The following UGT1A6 variants were observed in gnomAD, a reference collection of about 807,000 sequenced individuals.
UGT1A6 encodes UDP-glucuronosyltransferase 1A6.
In UGT1A6, 32 loss-of-function variants were observed where a neutral mutation model predicts 44.4. The observed-to-expected ratio is 0.72, with a 90% CI of 0.54 to 0.97. The LOEUF is 0.97. UGT1A6 is among the 50% of genes least tolerant of loss of function. The pLI is 0.00. For synonymous variants in UGT1A6, 238 were observed against 248.5 expected (o/e 0.96, Z 0.40); for missense variants, 685 against 661.9 (o/e 1.03, Z -0.38).
chr2:233,719,330 G>A, intron 1 of UGT1A6: 2 of 1,613,866 alleles, frequency 1.2e-6, no homozygotes, highest in Middle Eastern at 1.7e-4. Context: ...TTCCTGCTGT[G>A]TTTTTTTGGA....
At chr2:233,743,553 T>G in intron 1 of UGT1A6, 1 of 1,367,178 alleles carries the variant, frequency 7.3e-7, no homozygotes. Flanking sequence ...CCCCCCAAAA[T>G]ATTCTCCAGC....
At chr2:233,695,564 A>AC (rs1277678782) in intron 1 of UGT1A6, among the ~76,000 whole-genome samples, 4 of 146,794 alleles carry the variant, frequency 2.7e-5, no homozygotes, top group East Asian at 2.0e-4. Flanking sequence ...AACCATTTTC[A>AC]CCCCCCCTTC....
At chr2:233,704,053 G>A (rs2075765647) in intron 1 of UGT1A6, among the ~76,000 whole-genome samples, 2 of 151,842 alleles carry the variant, frequency 1.3e-5, no homozygotes, top group Admixed American at 6.6e-5. Flanking sequence ...AACATGCCTG[G>A]CTAATTTTTG....
At chr2:233,762,313 T>A (rs1035982374) in intron 1 of UGT1A6, among the ~76,000 whole-genome samples, 5 of 152,234 alleles carry the variant, frequency 3.3e-5, no homozygotes, top group Admixed American at 3.3e-4. Context: ...AGTTAATGGG[T>A]CGAGAGTAAT....
intron 1 of UGT1A6, among the ~76,000 whole-genome samples, chr2:233,732,755 G>GTTT (rs956485327): frequency 1.7e-5 from 2 of 120,222 alleles, no homozygotes; most frequent in African/African-American, 3.0e-5. Flanking sequence ...CACCAGCTTT[G>GTTT]TTTTTTTTTT....
intron 1 of UGT1A6, among the ~76,000 whole-genome samples, chr2:233,696,034 T>C (rs2075319099): frequency 6.6e-6 from 1 of 152,154 alleles, no homozygotes; most frequent in Admixed American, 6.5e-5. Flanking sequence ...AGTCCCTAAT[T>C]TACATTTGAA....
intron 1 of UGT1A6, among the ~76,000 whole-genome samples, chr2:233,705,713 G>A (rs1445913249): frequency 6.6e-6 from 1 of 152,162 alleles, no homozygotes; most frequent in African/African-American, 2.4e-5. Flanking sequence ...CCAGTATATT[G>A]TTATCTTTTA....
At chr2:233,747,937 A>C in intron 1 of UGT1A6, 1 of 1,613,182 alleles carries the variant, frequency 6.2e-7, no homozygotes, top group Non-Finnish European at 8.5e-7. Flanking sequence ...TTTCAGAGGG[A>C]GGTGTCAGTG....
chr2:233,712,865 GGC>G, intron 1 of UGT1A6: 1 of 1,573,780 alleles, frequency 6.4e-7, no homozygotes, highest in Non-Finnish European at 8.6e-7. Flanking sequence ...ACTGGAGGAG[GGC>G]ACTCTGTCTT....
At chr2:233,732,936 C>G (rs2078338075) in intron 1 of UGT1A6, among the ~76,000 whole-genome samples, 1 of 152,082 alleles carries the variant, frequency 6.6e-6, no homozygotes, top group African/African-American at 2.4e-5. Flanking sequence ...TTCTTCCTAT[C>G]CATGAGCATG....
intron 1 of UGT1A6, among the ~76,000 whole-genome samples, chr2:233,712,193 C>G (rs144263331): frequency 3.9e-5 from 6 of 152,220 alleles, no homozygotes; most frequent in African/African-American, 1.4e-4. Flanking sequence ...CCAGCTCCCC[C>G]GGTCCCTTGG....
chr2:233,736,062 G>T (rs1463600658), intron 1 of UGT1A6, among the ~76,000 whole-genome samples: 1 of 152,174 alleles, frequency 6.6e-6, no homozygotes, highest in East Asian at 1.9e-4. Flanking sequence ...GGCCTGCCTT[G>T]CTAGGTTTGG....
intron 1 of UGT1A6, among the ~76,000 whole-genome samples, chr2:233,705,399 C>T (rs2075845661): frequency 6.6e-6 from 1 of 152,166 alleles, no homozygotes; most frequent in African/African-American, 2.4e-5. Flanking sequence ...TGATACTCAT[C>T]AGAGACTTGT....
intron 1 of UGT1A6, chr2:233,713,275 G>A (rs1268736008): frequency 6.2e-7 from 1 of 1,614,224 alleles, no homozygotes; most frequent in South Asian, 1.1e-5. Flanking sequence ...CTTTTGCTGG[G>A]TCACACTCAA....
chr2:233,757,545 T>TAC (rs1696610377), intron 1 of UGT1A6, among the ~76,000 whole-genome samples: 1 of 65,910 alleles, frequency 1.5e-5, no homozygotes, highest in African/African-American at 6.3e-5. Flanking sequence ...AATATATATA[T>TAC]ATATATATAT....
chr2:233,747,799 A>C, intron 1 of UGT1A6: 1 of 1,613,474 alleles, frequency 6.2e-7, no homozygotes, highest in Non-Finnish European at 8.5e-7. Context: ...TATATTCCTA[A>C]GTTACTAACG....
chr2:233,772,269 G>C lies in UGT1A6; in HGVS notation c.1309G>C (p.Glu437Gln), dbSNP rs868814380. The C allele has an allele frequency of 1.2e-6, 2 of 1,614,106 alleles. No homozygotes were observed. The highest frequency in any genetic ancestry group is 1.7e-6 in the Non-Finnish European group (2 of 1,180,050). Residue 437 changes from glutamate to glutamine, a missense_variant, in exon 5 of 5, where the codon GAG becomes CAG. Transcript: ENST00000305139. ...AACTGTCTTTGTGTTTAGTTACAAG[G>C]AGAACATCATGCGCCTCTCCAGCCT... The part of the protein sequence containing the change: ...KAVINDKSYK[E>Q]NIMRLSSLHK...
intron 1 of UGT1A6, among the ~76,000 whole-genome samples, chr2:233,695,754 A>G (rs942245272): frequency 6.6e-6 from 1 of 152,170 alleles, no homozygotes; most frequent in African/African-American, 2.4e-5. Context: ...ACAGGTCTTC[A>G]TCCTTTTTTA....
rs760358460 is a variant in UGT1A6 at position 233,693,812 on chromosome 2, A to C, written c.808A>C (p.Asn270His). 22 of 1,614,124 alleles carry C rather than the reference A, an allele frequency of 1.4e-5. No homozygotes were observed. In the South Asian group the frequency reaches 2.3e-4, roughly 17 times the overall value. The change falls in exon 1 of 5, where the codon AAC becomes CAC. Residue 270 changes from asparagine (N) to histidine (H), a missense_variant. Asn to His is a moderately conservative substitution (Grantham distance 68). Transcript: ENST00000305139. ...TGAATATCCTAGGCCGGTCATGCCC[A>C]ACATGGTCTTCATTGGAGGTATCAA... is the stretch of plus-strand genomic sequence containing the variant. ...VLEYPRPVMPNMVFIGGINCK... is the reference protein window; with the variant it reads ...VLEYPRPVMPHMVFIGGINCK...
Sources: gnomAD v4.1 joint callset for allele counts (sites outside exome capture counted in the v4.1 genomes callset) on GRCh38, gnomAD v4.1.1 for gene constraint, MANE v1.5 for transcripts, NCBI Gene and HGNC (gene_info 2026-07-23, HGNC 2026-07-21) for gene names.